TUB: variants seen among roughly 807,000 people sequenced by gnomAD.
TUB encodes tubby protein homolog.
A neutral mutation model predicts 59.7 loss-of-function variants in TUB; 33 were observed. That is an observed-to-expected ratio of 0.55 (90% confidence interval 0.42 to 0.74). The LOEUF is 0.74. Among genes scored for constraint, TUB ranks in the 30% least tolerant of loss-of-function variants. The probability of loss-of-function intolerance (pLI) is 0.00; values close to 1 mark genes in which losing one functional copy is unlikely to be tolerated. For synonymous variants in TUB, 293 were observed against 256.4 expected (o/e 1.14, Z -1.36); for missense variants, 659 against 672.0 (o/e 0.98, Z 0.21).
intron 2 of TUB, among the ~76,000 whole-genome samples, chr11:8,041,771 T>C (rs919923347): frequency 1.3e-5 from 2 of 152,188 alleles, no homozygotes; most frequent in African/African-American, 2.4e-5. Context: ...CCTGGCCTCT[T>C]AGTCTCCTAC....
chr11:8,020,359 C>T (rs1441469305), intron 1 of TUB, among the ~76,000 whole-genome samples: 5 of 152,124 alleles, frequency 3.3e-5, no homozygotes, highest in Non-Finnish European at 7.4e-5. Flanking sequence ...TTAACTCTGC[C>T]AAAAACCTCC....
intron 1 of TUB, among the ~76,000 whole-genome samples, chr11:8,085,133 C>T (rs1943640829): frequency 6.6e-6 from 1 of 152,174 alleles, no homozygotes; most frequent in African/African-American, 2.4e-5. Context: ...CACTTGGACC[C>T]ACCACTTTAC....
chr11:8,052,771 G>A (rs937295280), intron 2 of TUB, among the ~76,000 whole-genome samples: 4 of 152,084 alleles, frequency 2.6e-5, no homozygotes, highest in Admixed American at 1.3e-4. Flanking sequence ...CACTGTGCCC[G>A]GCCGGACCTT....
intron 7 of TUB, 55 bp from the exon 8 acceptor site, chr11:8,097,659 A>G (rs1056943061): frequency 6.7e-6 from 10 of 1,493,762 alleles, no homozygotes; most frequent in Non-Finnish European, 8.3e-6. Context: ...GGCTCTCATG[A>G]CTGTGTGCAG....
In TUB at chr11:8,084,999, C is replaced by T. The variant is rs528234006; in HGVS notation, c.38+3451C>T. Among the ~76,000 whole-genome samples, 23 of 152,296 alleles carry T rather than the reference C, an allele frequency of 1.5e-4. No homozygotes were observed. The South Asian group carries it at 2.3e-3, about 15-fold the overall frequency. Reference sequence around the variant, plus strand: ...CTTAGGTTGAACCTAAGCAAGTCTCCGGGTTCCCCCTCCTCCTGGCCCTTG... The same window carrying T: ...CTTAGGTTGAACCTAAGCAAGTCTCTGGGTTCCCCCTCCTCCTGGCCCTTG... On this transcript the variant is annotated intron_variant, in intron 1 of 11. Transcript: ENST00000299506.
chr11:8,085,873 CTTG>C (rs1233151762), intron 1 of TUB, among the ~76,000 whole-genome samples: 2 of 152,182 alleles, frequency 1.3e-5, no homozygotes, highest in Non-Finnish European at 2.9e-5. Flanking sequence ...GTCCTTGCCC[CTTG>C]TTGTCAATCG....
intron 2 of TUB, among the ~76,000 whole-genome samples, chr11:8,048,622 T>A (rs560003156): frequency 1.2e-4 from 18 of 152,228 alleles, no homozygotes; most frequent in African/African-American, 4.3e-4. Flanking sequence ...CCCAGGCCAG[T>A]CTGGAACTCC....
chr11:8,063,635 T>C (rs1332247378), intron 2 of TUB, among the ~76,000 whole-genome samples: 8 of 152,232 alleles, frequency 5.3e-5, no homozygotes, highest in Non-Finnish European at 1.2e-4. Context: ...TTCCAATTTC[T>C]TGCTATTATA....
At position 8,095,680 on chromosome 11, in the gene TUB, G is replaced by T; in HGVS notation, c.565+15G>T. The stretch of plus-strand genomic sequence containing the variant: ...GCAGAGGAAGGGTGAGCCCCATGGG[G>T]ACCCAGTGATACCCCCAAAACTCAG... On this transcript the variant is annotated intron_variant, in intron 5 of 11. Transcript: ENST00000299506. The T allele has an allele frequency of 6.3e-7, 1 of 1,576,876 alleles. No homozygotes were observed.
At chr11:8,046,101 C>T (rs980012513) in intron 2 of TUB, among the ~76,000 whole-genome samples, 4 of 152,130 alleles carry the variant, frequency 2.6e-5, no homozygotes, top group Non-Finnish European at 2.9e-5. Context: ...TCCATCCCTC[C>T]TTCTCTTTCT....
chr11:8,046,619 C>T (rs985674940), intron 2 of TUB, among the ~76,000 whole-genome samples: 1 of 152,192 alleles, frequency 6.6e-6, no homozygotes, highest in Non-Finnish European at 1.5e-5. Flanking sequence ...TTTCTTTTCT[C>T]TCTGACCACC....
intron 3 of TUB, among the ~76,000 whole-genome samples, chr11:8,090,798 T>G (rs898259712): frequency 6.6e-6 from 1 of 151,738 alleles, no homozygotes; most frequent in African/African-American, 2.4e-5. Context: ...AGAAATTCTC[T>G]GCAGCTCATC....
At chr11:8,031,185 T>C (rs1942565939) in intron 1 of TUB, among the ~76,000 whole-genome samples, 1 of 152,070 alleles carries the variant, frequency 6.6e-6, no homozygotes, top group South Asian at 2.1e-4. Context: ...TGGAAGCAGG[T>C]ATGTATGGTG....
chr11:8,099,730 A>G (rs567071502), intron 9 of TUB, among the ~76,000 whole-genome samples: 1 of 152,344 alleles, frequency 6.6e-6, no homozygotes, highest in Non-Finnish European at 1.5e-5. Flanking sequence ...AGAAATGTCA[A>G]GGTATGTGTG....
intron 1 of TUB, among the ~76,000 whole-genome samples, chr11:8,089,046 C>T (rs111288129): frequency 6.6e-5 from 10 of 152,206 alleles, no homozygotes; most frequent in Non-Finnish European, 1.5e-5. Context: ...GACCCTCTGC[C>T]CTCTTTAAGT....
intron 9 of TUB, 114 bp downstream of exon 9, chr11:8,098,989 A>G: frequency 1.2e-6 from 1 of 800,746 alleles, no homozygotes; most frequent in South Asian, 1.6e-5. Context: ...GGCTGTGTGG[A>G]GAGGGGCTGT....
rs1472091724 is a variant in TUB, at chr11:8,081,558, C to T, written c.38+10C>T. 5.2e-6 allele frequency: 8 copies of T among 1,534,446 alleles called. No homozygotes were observed. In the African/African-American group the frequency reaches 7.2e-5, roughly 14 times the overall value. On this transcript the variant is annotated intron_variant, in intron 1 of 11. Coordinates refer to ENST00000299506, the MANE Select transcript of TUB (RefSeq NM_177972.3). ...ACTGGATTCCCTACAGGTACGCGGG[C>T]GCCGGGCCGGGGCGCCCACCACTCC...
intron 2 of TUB, among the ~76,000 whole-genome samples, chr11:8,059,470 C>G (rs563623943): frequency 3.3e-5 from 5 of 152,108 alleles, no homozygotes; most frequent in Non-Finnish European, 7.3e-5. Flanking sequence ...GTTAAAAATG[C>G]GGAGATTCTC....
intron 8 of TUB, among the ~76,000 whole-genome samples, 166 bp from the exon 9 acceptor site, chr11:8,098,592 C>T (rs1029699098): frequency 3.3e-5 from 5 of 152,208 alleles, no homozygotes; most frequent in Admixed American, 1.3e-4. Flanking sequence ...CTTCTGCCCA[C>T]GAAGTGTCTT....
Sources: gnomAD v4.1 joint callset for allele counts (sites outside exome capture counted in the v4.1 genomes callset) on GRCh38, gnomAD v4.1.1 for gene constraint, MANE v1.5 for transcripts, NCBI Gene and HGNC (gene_info 2026-07-23, HGNC 2026-07-21) for gene names.